Variants in KCNJ6 observed in about 807,000 individuals in gnomAD.
KCNJ6 encodes the protein G protein-activated inward rectifier potassium channel 2.
A neutral mutation model predicts 34.2 loss-of-function variants in KCNJ6; 9 were observed. The observed-to-expected ratio is 0.26, with a 90% confidence interval of 0.16 to 0.46. KCNJ6 has a LOEUF of 0.46. Ranked by LOEUF, KCNJ6 falls within the 20% of genes least tolerant of loss-of-function variation. KCNJ6 has a pLI of 1.00. For synonymous variants in KCNJ6, 196 were observed against 207.1 expected, an observed-to-expected ratio of 0.95 and a Z score of 0.46; for missense variants, 236 against 531.3, an observed-to-expected ratio of 0.44 and a Z score of 5.46.
intron 2 of KCNJ6, among the ~76,000 whole-genome samples, chr21:37,773,995 A>T (rs544222714): frequency 6.6e-6 from 1 of 152,244 alleles, no homozygotes; most frequent in South Asian, 2.1e-4. Flanking sequence ...TTATCACATC[A>T]TTCCCTCAAG....
intron 2 of KCNJ6, among the ~76,000 whole-genome samples, chr21:37,778,715 G>GTGTGTGTA (rs2055154904): frequency 6.6e-6 from 1 of 151,482 alleles, no homozygotes. Context: ...GTGTGTGTGT[G>GTGTGTGTA]TGTGTGTTTT....
chr21:37,651,666 T>G (rs959698943), intron 3 of KCNJ6, among the ~76,000 whole-genome samples: 3 of 152,218 alleles, frequency 2.0e-5, no homozygotes, highest in African/African-American at 7.2e-5. Context: ...GTTTCTGGAC[T>G]GAGCACCTGG....
intron 1 of KCNJ6, among the ~76,000 whole-genome samples, chr21:37,854,597 A>C (rs1309960898): frequency 1.3e-5 from 2 of 152,216 alleles, no homozygotes; most frequent in Admixed American, 1.3e-4. Flanking sequence ...GACTATAGTT[A>C]ATGATGCTGT....
intron 1 of KCNJ6, among the ~76,000 whole-genome samples, chr21:37,860,487 A>C (rs2055589250): frequency 2.0e-5 from 3 of 152,268 alleles, no homozygotes. Flanking sequence ...ACTGGCTTCG[A>C]AGTAGAAATA....
At chr21:37,907,975 G>C (rs2055849671) in intron 1 of KCNJ6, among the ~76,000 whole-genome samples, 1 of 152,144 alleles carries the variant, frequency 6.6e-6, no homozygotes, top group Admixed American at 6.5e-5. Flanking sequence ...TCCACTATGA[G>C]ACATTATTTA....
At chr21:37,832,280 T>C (rs1293700250) in intron 2 of KCNJ6, among the ~76,000 whole-genome samples, 1 of 151,766 alleles carries the variant, frequency 6.6e-6, no homozygotes, top group African/African-American at 2.4e-5. Context: ...AGGGAGAAAG[T>C]GCATTTTAAA....
Position 37,854,399 on chromosome 21 carries a change from G to A in KCNJ6, c.-27-13690C>T, listed in dbSNP as rs80354575. The stretch of plus-strand genomic sequence containing the variant: ...TTACGTTAAGTGAAGTAAGCCAGGC[G>A]CAGAAAGAAAAATATATGTCCTCAC... On this transcript the variant is annotated intron_variant, in intron 1 of 3. Coordinates refer to ENST00000609713, the MANE Select transcript of KCNJ6 (RefSeq NM_002240.5). Among the ~76,000 whole-genome samples, 1,187 of 151,898 alleles carry A rather than the reference G, an allele frequency of 7.8e-3. 10 individuals are homozygous for A. The highest frequency in any genetic ancestry group is 0.012 in the Non-Finnish European group (786 of 67,974).
chr21:37,723,430 A>C (rs1240760754), intron 2 of KCNJ6, among the ~76,000 whole-genome samples: 1 of 152,232 alleles, frequency 6.6e-6, no homozygotes, highest in Non-Finnish European at 1.5e-5. Flanking sequence ...TATATTCCTA[A>C]AGGAAAATAA....
chr21:37,839,456 G>C (rs1333837072), intron 2 of KCNJ6, among the ~76,000 whole-genome samples: 1 of 152,144 alleles, frequency 6.6e-6, no homozygotes, highest in Non-Finnish European at 1.5e-5. Context: ...CTTGGTATGG[G>C]TGGATATTTT....
At chr21:37,780,193 A>G (rs2055162567) in intron 2 of KCNJ6, among the ~76,000 whole-genome samples, 1 of 152,222 alleles carries the variant, frequency 6.6e-6, no homozygotes, top group Admixed American at 6.5e-5. Context: ...TTGCTAAGTG[A>G]AAGAAGCTAG....
At chr21:37,758,247 T>G (rs955074342) in intron 2 of KCNJ6, among the ~76,000 whole-genome samples, 5 of 152,204 alleles carry the variant, frequency 3.3e-5, no homozygotes, top group Admixed American at 3.3e-4. Flanking sequence ...GTGTGGGTTC[T>G]CTAGGGTCCT....
At chr21:37,691,897 T>C (rs2054641531) in intron 3 of KCNJ6, among the ~76,000 whole-genome samples, 1 of 152,180 alleles carries the variant, frequency 6.6e-6, no homozygotes, top group Non-Finnish European at 1.5e-5. Flanking sequence ...TCCACCACTC[T>C]GGATCAAACA....
intron 2 of KCNJ6, among the ~76,000 whole-genome samples, chr21:37,827,892 A>G (rs1447243982): frequency 6.6e-6 from 1 of 152,136 alleles, no homozygotes; most frequent in Non-Finnish European, 1.5e-5. Context: ...AGCTTTGTGT[A>G]TATTATGAAA....
chr21:37,844,949 G>A (rs2055499022), intron 1 of KCNJ6, among the ~76,000 whole-genome samples: 4 of 152,282 alleles, frequency 2.6e-5, no homozygotes, highest in Non-Finnish European at 4.4e-5. Flanking sequence ...GTGTGTGGTA[G>A]ACCAGAAGCC....
At position 37,916,227 on chromosome 21, in the gene KCNJ6, G is replaced by C. The variant is rs1196123480; in HGVS notation, c.-371C>G. 6.6e-6 allele frequency: 1 copy of C among 152,184 alleles called. No homozygotes were observed. The highest frequency in any genetic ancestry group is 2.4e-5 in the African/African-American group (1 of 41,442). 9.4% of individuals were successfully genotyped at this position (152,184 alleles called of 1,614,324 possible). On this transcript the variant is annotated 5_prime_UTR_variant, in exon 1 of 4. Transcript: ENST00000609713. ...GGGCTGGGCGCTGGGGCCAAGGGAG[G>C]GGCGGAGGGGCGCGCGTTTGGGCAG...
intron 2 of KCNJ6, among the ~76,000 whole-genome samples, chr21:37,757,480 G>A (rs1464629686): frequency 6.9e-6 from 1 of 144,798 alleles, no homozygotes; most frequent in Non-Finnish European, 1.5e-5. Flanking sequence ...CCCTCACAGC[G>A]TGATGATTCC....
intron 3 of KCNJ6, among the ~76,000 whole-genome samples, chr21:37,686,260 G>A (rs973677919): frequency 1.3e-5 from 2 of 152,126 alleles, no homozygotes; most frequent in African/African-American, 4.8e-5. Context: ...TTGATACCCG[G>A]TTGAGGAGGG....
At chr21:37,768,893 T>C (rs907830445) in intron 2 of KCNJ6, among the ~76,000 whole-genome samples, 3 of 152,192 alleles carry the variant, frequency 2.0e-5, no homozygotes, top group Non-Finnish European at 2.9e-5. Context: ...AGTGTAGAAA[T>C]GTGTGTTGGG....
intron 2 of KCNJ6, among the ~76,000 whole-genome samples, chr21:37,775,197 GTTTGT>G (rs1480371336): frequency 1.2e-5 from 1 of 80,630 alleles, no homozygotes; most frequent in African/African-American, 4.7e-5. Context: ...TGATGGGGTT[GTTTGT>G]TTTTTTCTTG....
Sources: gnomAD v4.1 joint callset for allele counts (sites outside exome capture counted in the v4.1 genomes callset) on GRCh38, gnomAD v4.1.1 for gene constraint, MANE v1.5 for transcripts, NCBI Gene and HGNC (gene_info 2026-07-23, HGNC 2026-07-21) for gene names.